DTWD2: variants seen among roughly 807,000 people sequenced by gnomAD.
DTWD2 encodes DTW motif tRNA-uridine aminocarboxypropyltransferase 2, also known as tRNA-uridine aminocarboxypropyltransferase 2.
DTWD2 carries 39 observed loss-of-function variants against 31.8 expected under a neutral mutation model. The ratio of observed to expected loss-of-function variants is 1.22; its 90% confidence interval spans 0.95 to 1.60. DTWD2 has a LOEUF of 1.60. DTWD2 is among the 40% of genes most tolerant of loss of function. The pLI is 0.00. For synonymous variants in DTWD2, 180 were observed against 142.8 expected, an observed-to-expected ratio of 1.26 and a Z score of -1.86; for missense variants, 515 against 381.5, an observed-to-expected ratio of 1.35 and a Z score of -2.92.
intron 4 of DTWD2, among the ~76,000 whole-genome samples, chr5:118,906,396 G>A (rs531363887): frequency 6.6e-6 from 1 of 152,252 alleles, no homozygotes; most frequent in South Asian, 2.1e-4. Context: ...ACTTGCATAT[G>A]AACGTTAATA....
intron 4 of DTWD2, among the ~76,000 whole-genome samples, chr5:118,854,000 A>G (rs984616768): frequency 6.6e-6 from 1 of 152,220 alleles, no homozygotes; most frequent in Non-Finnish European, 1.5e-5. Context: ...TTAATCATGT[A>G]TTAACTTTTA....
chr5:118,885,495 G>C (rs1752842555), intron 4 of DTWD2, among the ~76,000 whole-genome samples: 2 of 145,870 alleles, frequency 1.4e-5, no homozygotes, highest in African/African-American at 2.6e-5. Flanking sequence ...GCCAGGCGCA[G>C]TGGCTCACAC....
At chr5:118,965,335 CGTCCGG>C (rs1478113442) in intron 1 of DTWD2, among the ~76,000 whole-genome samples, 1 of 150,862 alleles carries the variant, frequency 6.6e-6, no homozygotes, top group African/African-American at 2.4e-5. Flanking sequence ...GCCGCCACCC[CGTCCGG>C]GAGGTGAGGG....
intron 1 of DTWD2, among the ~76,000 whole-genome samples, chr5:118,952,534 G>C (rs1201194949): frequency 6.6e-6 from 1 of 152,112 alleles, no homozygotes; most frequent in Non-Finnish European, 1.5e-5. Flanking sequence ...AATTTCACAA[G>C]GTAATGTCAT....
At chr5:118,938,122 G>A (rs542566243) in intron 3 of DTWD2, among the ~76,000 whole-genome samples, 43 of 152,058 alleles carry the variant, frequency 2.8e-4, no homozygotes, top group East Asian at 5.8e-4. Context: ...AGTTAATAAC[G>A]TCCACAGAGT....
chr5:118,955,915 T>A (rs948897520), intron 1 of DTWD2, among the ~76,000 whole-genome samples: 1 of 152,186 alleles, frequency 6.6e-6, no homozygotes, highest in Non-Finnish European at 1.5e-5. Context: ...CATTTTTTTT[T>A]AATCAAGCTA....
At chr5:118,875,491 T>C (rs568451608) in intron 4 of DTWD2, among the ~76,000 whole-genome samples, 2 of 65,424 alleles carry the variant, frequency 3.1e-5, no homozygotes, top group Admixed American at 1.9e-4. Flanking sequence ...GGGCTCAAAA[T>C]AAAGGGAGGG....
At chr5:118,948,449 C>A (rs983612980) in intron 1 of DTWD2, among the ~76,000 whole-genome samples, 1 of 152,156 alleles carries the variant, frequency 6.6e-6, no homozygotes, top group Non-Finnish European at 1.5e-5. Flanking sequence ...CCACTGCACT[C>A]CAGCCTGGGC....
chr5:118,875,281 A>G (rs1456750554), intron 4 of DTWD2, among the ~76,000 whole-genome samples: 1 of 152,208 alleles, frequency 6.6e-6, no homozygotes, highest in African/African-American at 2.4e-5. Context: ...GACACTATAA[A>G]GCAACCACAT....
chr5:118,960,925 G>C (rs935703169), intron 1 of DTWD2, among the ~76,000 whole-genome samples: 38 of 152,144 alleles, frequency 2.5e-4, no homozygotes, highest in Non-Finnish European at 2.6e-4. Flanking sequence ...GCCTAATTGA[G>C]GGTGGAGGGT....
intron 3 of DTWD2, among the ~76,000 whole-genome samples, chr5:118,936,310 G>A (rs992235333): frequency 1.3e-5 from 2 of 152,070 alleles, no homozygotes; most frequent in Admixed American, 6.5e-5. Flanking sequence ...GGCCAAAGGG[G>A]GTAAGATACT....
At chr5:118,926,576 GA>G (rs1753813159) in intron 4 of DTWD2, among the ~76,000 whole-genome samples, 2 of 152,144 alleles carry the variant, frequency 1.3e-5, no homozygotes, top group Non-Finnish European at 2.9e-5. Context: ...TCCATGGGTA[GA>G]AAGAAATCAA....
At chr5:118,902,817 T>C (rs1444047920) in intron 4 of DTWD2, among the ~76,000 whole-genome samples, 2 of 152,206 alleles carry the variant, frequency 1.3e-5, no homozygotes, top group East Asian at 3.9e-4. Flanking sequence ...ATGTGGACTA[T>C]ATGCAAAGCT....
At chr5:118,924,527 T>C (rs1393170481) in intron 4 of DTWD2, among the ~76,000 whole-genome samples, 5 of 152,232 alleles carry the variant, frequency 3.3e-5, no homozygotes, top group African/African-American at 9.6e-5. Context: ...AAGCCTATTA[T>C]GTAATTAAAT....
rs776678876 is a variant in DTWD2 at position 118,840,987 on chromosome 5, G to C, written c.827C>G (p.Pro276Arg). The C allele has an allele frequency of 1.2e-6, 2 of 1,613,786 alleles. No homozygotes were observed. Among genetic ancestry groups the C allele is most frequent in the South Asian group, 1.1e-5 (1 of 91,062 alleles). ...GCGTTTGTTCTTTGGCATTGGTTTA[G>C]GATATAATCCATTTTTCAGAAGGTG... ...KEHLLKNGLY[P>R]KPMPKNKRKL... The change falls in exon 6 of 6, where the codon CCT becomes CGT. Residue 276 changes from proline (P) to arginine (R), a missense_variant. Transcript: ENST00000510708.
intron 1 of DTWD2, among the ~76,000 whole-genome samples, chr5:118,982,686 C>CTTTTT (rs56102830): frequency 2.7e-4 from 33 of 121,118 alleles, no homozygotes; most frequent in Middle Eastern, 4.3e-3. Flanking sequence ...AGTTTGTTTT[C>CTTTTT]TTTTTTTTTT....
intron 1 of DTWD2, among the ~76,000 whole-genome samples, chr5:118,952,692 A>T (rs556258698): frequency 1.3e-5 from 2 of 152,316 alleles, no homozygotes; most frequent in East Asian, 3.9e-4. Flanking sequence ...AAGTCTATTT[A>T]AAAGTTGGTT....
chr5:118,864,965 C>A (rs992021764), intron 4 of DTWD2, among the ~76,000 whole-genome samples: 2 of 152,050 alleles, frequency 1.3e-5, no homozygotes, highest in Admixed American at 6.6e-5. Flanking sequence ...CAAATAAAAT[C>A]CTTTTTGCCT....
At chr5:118,975,629 C>T (rs1755136571) in intron 1 of DTWD2, among the ~76,000 whole-genome samples, 1 of 152,104 alleles carries the variant, frequency 6.6e-6, no homozygotes, top group Non-Finnish European at 1.5e-5. Context: ...GGATTTTCAG[C>T]CTTTTTGTGC....
Sources: allele counts gnomAD v4.1 joint callset (sites outside exome capture counted in the v4.1 genomes callset), GRCh38; gene constraint gnomAD v4.1.1; transcripts MANE v1.5; gene names NCBI Gene and HGNC (gene_info 2026-07-23, HGNC 2026-07-21).